DLG1: variants seen among roughly 807,000 people sequenced by gnomAD.
The protein encoded by DLG1 is discs large MAGUK scaffold protein 1, also known as disks large homolog 1.
Under a neutral mutation model 123.4 loss-of-function variants are expected in DLG1, and 42 were observed. The observed-to-expected ratio is 0.34, with a 90% CI of 0.27 to 0.44. The LOEUF (loss-of-function observed/expected upper bound fraction) is 0.44, where lower values mean the gene tolerates loss of function less well. Ranked by LOEUF, DLG1 falls within the 20% of genes least tolerant of loss-of-function variation. The pLI is 1.00. For synonymous variants in DLG1, 317 were observed against 356.2 expected (o/e 0.89, Z 1.24); for missense variants, 942 against 1,082.6 (o/e 0.87, Z 1.82).
chr3:197,184,470 T>A (rs556999244), intron 5 of DLG1, among the ~76,000 whole-genome samples: 1 of 152,380 alleles, frequency 6.6e-6, no homozygotes, highest in South Asian at 2.1e-4. Flanking sequence ...TGGCTCTAAG[T>A]TGTTCAAAGG....
intron 4 of DLG1, among the ~76,000 whole-genome samples, chr3:197,243,071 CA>C (rs1318949365): frequency 6.6e-6 from 1 of 152,154 alleles, no homozygotes; most frequent in Non-Finnish European, 1.5e-5. Flanking sequence ...GTTACGATCG[CA>C]AGAGCACACC....
chr3:197,093,128 A>G lies in DLG1; in HGVS notation c.1547-2102T>C, dbSNP rs139185521. Among the ~76,000 whole-genome samples, 759 of 152,188 alleles carry G rather than the reference A, an allele frequency of 5.0e-3. 7 individuals carry two copies. Among genetic ancestry groups the G allele is most frequent in the African/African-American group, 0.017 (714 of 41,530 alleles). Reference sequence around the variant, plus strand: ...TATATCTGTATATATGTGTGTATATATACACACAAACATCACAAGCATAAT... The same window carrying G: ...TATATCTGTATATATGTGTGTATATGTACACACAAACATCACAAGCATAAT... On this transcript the variant is annotated intron_variant, in intron 14 of 24. Transcript: ENST00000667157.
intron 22 of DLG1, among the ~76,000 whole-genome samples, chr3:197,061,393 C>T (rs1735688315): frequency 6.6e-6 from 1 of 152,070 alleles, no homozygotes. Context: ...CATAATGCTC[C>T]TTCACCTCGT....
At chr3:197,293,847 T>C (rs434681) in intron 3 of DLG1, 86,218 of 152,244 alleles carry the variant, frequency 0.57, 24,910 homozygotes, top group East Asian at 0.78. Flanking sequence ...AAGACCCCTG[T>C]TCTCCTTTAA....
At chr3:197,252,778 A>G (rs2150876553) in intron 4 of DLG1, among the ~76,000 whole-genome samples, 1 of 152,326 alleles carries the variant, frequency 6.6e-6, no homozygotes, top group East Asian at 1.9e-4. Flanking sequence ...GAGTCTATAG[A>G]TGAATAGTGG....
chr3:197,237,538 T>A (rs1317454157), intron 4 of DLG1, among the ~76,000 whole-genome samples: 1 of 152,162 alleles, frequency 6.6e-6, no homozygotes, highest in African/African-American at 2.4e-5. Context: ...ACCAACCATA[T>A]ACACACCAGC....
intron 4 of DLG1, among the ~76,000 whole-genome samples, chr3:197,240,465 C>G (rs1485478757): frequency 1.3e-5 from 2 of 152,098 alleles, no homozygotes; most frequent in Non-Finnish European, 2.9e-5. Context: ...ACAGAGAAGG[C>G]TGAATAAAAC....
intron 4 of DLG1, among the ~76,000 whole-genome samples, chr3:197,237,548 C>CA (rs1746632739): frequency 6.6e-6 from 1 of 152,170 alleles, no homozygotes; most frequent in African/African-American, 2.4e-5. Context: ...TACACACCAG[C>CA]AAAGACCAGC....
At position 197,159,040 on chromosome 3, in the gene DLG1, C is replaced by T. The variant is rs562701649; in HGVS notation, c.484-9244G>A. Among the ~76,000 whole-genome samples the T allele has an allele frequency of 2.0e-5, 3 of 152,260 alleles. 1 individual carries two copies. The South Asian group carries it at 6.2e-4, about 32-fold the overall frequency. On this transcript the variant is annotated intron_variant, in intron 5 of 24. Coordinates refer to ENST00000667157, the MANE Select transcript of DLG1 (RefSeq NM_001366207.1). Reference sequence around the variant, plus strand: ...CAGTAAGAAGAACTAGTAACTGTCACCTACTCTGTACTCAGTTTCTATGTG... The same window carrying T: ...CAGTAAGAAGAACTAGTAACTGTCATCTACTCTGTACTCAGTTTCTATGTG...
At chr3:197,057,016 A>C (rs1046342262) in intron 23 of DLG1, among the ~76,000 whole-genome samples, 1 of 152,154 alleles carries the variant, frequency 6.6e-6, no homozygotes, top group Non-Finnish European at 1.5e-5. Context: ...AACATGTCAT[A>C]ATTTATTTAC....
chr3:197,110,429 T>C (rs189326228), intron 13 of DLG1, among the ~76,000 whole-genome samples: 33 of 152,316 alleles, frequency 2.2e-4, no homozygotes, highest in African/African-American at 7.0e-4. Flanking sequence ...ACAGGATGGT[T>C]TTCTTTTATT....
intron 23 of DLG1, 77 bp from the exon 24 acceptor site, chr3:197,051,745 C>T (rs1278064309): frequency 1.9e-6 from 2 of 1,042,618 alleles, no homozygotes; most frequent in Non-Finnish European, 1.4e-6. Flanking sequence ...GGAGAGATGA[C>T]ACATAAAATA....
At chr3:197,244,272 C>T (rs933848154) in intron 4 of DLG1, among the ~76,000 whole-genome samples, 1 of 152,160 alleles carries the variant, frequency 6.6e-6, no homozygotes, top group Non-Finnish European at 1.5e-5. Context: ...ACTTATTACC[C>T]CAGGATGTGA....
chr3:197,136,748 A>G (rs1487698027), intron 9 of DLG1, 70 bp from the exon 10 acceptor site: 1 of 1,344,856 alleles, frequency 7.4e-7, no homozygotes, highest in Non-Finnish European at 1.0e-6. Flanking sequence ...ATGGTTGAAA[A>G]CTACAAGGTA....
At chr3:197,227,528 A>G (rs1740614567) in intron 4 of DLG1, among the ~76,000 whole-genome samples, 3 of 152,182 alleles carry the variant, frequency 2.0e-5, no homozygotes, top group Non-Finnish European at 4.4e-5. Flanking sequence ...TACAAAACTA[A>G]AATTATCAAT....
rs148941851 is a variant in DLG1, at chr3:197,210,303, T to G, written c.319-15714A>C. On this transcript the variant is annotated intron_variant, in intron 4 of 24. Transcript: ENST00000667157. ...GAGGGGAAGAGAAGGAAGGAAATAA[T>G]AAAAGGCAGAAATCAATGAAACAGA... is the stretch of plus-strand genomic sequence containing the variant. Among the ~76,000 whole-genome samples, 38 of 136,246 alleles carry G rather than the reference T, an allele frequency of 2.8e-4. 2 individuals are homozygous for G. The East Asian group carries it at 7.3e-3, about 26-fold the overall frequency. 89.4% of individuals were successfully genotyped at this position (136,246 alleles called of 152,430 possible). A position where few individuals can be genotyped will look rare whatever the true frequency, so the allele number is the denominator to read the frequency against.
At chr3:197,223,051 G>A (rs1737971215) in intron 4 of DLG1, among the ~76,000 whole-genome samples, 1 of 152,124 alleles carries the variant, frequency 6.6e-6, no homozygotes, top group Non-Finnish European at 1.5e-5. Flanking sequence ...CTACAGAGTT[G>A]GCATACCTTC....
chr3:197,263,601 A>G (rs1040738139), intron 4 of DLG1, among the ~76,000 whole-genome samples: 3 of 152,112 alleles, frequency 2.0e-5, no homozygotes, highest in Admixed American at 6.5e-5. Context: ...AGCCTGGCCA[A>G]CATGGTGAAA....
intron 3 of DLG1, 25 bp from the exon 4 acceptor site, chr3:197,282,870 A>G (rs9859322): frequency 1.9e-5 from 26 of 1,363,014 alleles, no homozygotes; most frequent in African/African-American, 7.4e-5. Flanking sequence ...ATAAAAATTC[A>G]TAAGTATTTA....
Sources: allele counts gnomAD v4.1 joint callset (sites outside exome capture counted in the v4.1 genomes callset), GRCh38; gene constraint gnomAD v4.1.1; transcripts MANE v1.5; gene names NCBI Gene and HGNC (gene_info 2026-07-23, HGNC 2026-07-21).